The following ATP8A1 variants were observed in gnomAD, a reference collection of about 807,000 sequenced individuals.
ATP8A1 encodes the protein ATPase phospholipid transporting 8A1.
ATP8A1 carries 90 observed loss-of-function variants against 177.7 expected under a neutral mutation model. The ratio of observed to expected loss-of-function variants is 0.51; its 90% CI spans 0.43 to 0.60. The LOEUF (loss-of-function observed/expected upper bound fraction) is 0.60, where lower values mean the gene tolerates loss of function less well. Ranked by LOEUF, ATP8A1 falls within the 20% of genes least tolerant of loss-of-function variation. The pLI, the probability that ATP8A1 is intolerant of heterozygous loss-of-function variation, is 0.00. For missense variants in ATP8A1, 1,072 were observed against 1,392.8 expected (o/e 0.77, Z 3.67); for synonymous variants, 493 against 485.9 (o/e 1.01, Z -0.19).
intron 35 of ATP8A1, among the ~76,000 whole-genome samples, chr4:42,418,933 C>T (rs1221732558): frequency 6.6e-6 from 1 of 152,060 alleles, no homozygotes; most frequent in Non-Finnish European, 1.5e-5. Flanking sequence ...GTTTTTCTGA[C>T]ATTTGCATTT....
intron 5 of ATP8A1, among the ~76,000 whole-genome samples, chr4:42,608,234 A>C (rs937747602): frequency 6.6e-5 from 10 of 151,222 alleles, no homozygotes; most frequent in African/African-American, 1.9e-4. Flanking sequence ...GCAGGTGCTG[A>C]CTTACACTCT....
At chr4:42,481,490 T>C (rs763653921) in intron 25 of ATP8A1, among the ~76,000 whole-genome samples, 1 of 152,202 alleles carries the variant, frequency 6.6e-6, no homozygotes, top group African/African-American at 2.4e-5. Context: ...GCCAAATCAG[T>C]AGAGCTAGAA....
rs548818885 is a variant in ATP8A1 at position 42,481,132 on chromosome 4, C to A, written c.2324+4364G>T. On this transcript the variant is annotated intron_variant, in intron 25 of 36. Transcript: ENST00000381668. ...AATACTTCACTGCAACATTCCCACT[C>A]TCTTCTGGAGGGAATATTAAAAGAG... Among the ~76,000 whole-genome samples the A allele has an allele frequency of 1.8e-4, 28 of 152,342 alleles. 1 individual carries two copies. In the South Asian group the frequency reaches 5.2e-3, roughly 28 times the overall value.
intron 20 of ATP8A1, among the ~76,000 whole-genome samples, chr4:42,527,617 T>C (rs1474525851): frequency 6.6e-6 from 1 of 152,174 alleles, no homozygotes; most frequent in African/African-American, 2.4e-5. Flanking sequence ...TGTTTGCTTC[T>C]AGACCTATAA....
chr4:42,631,444 A>C (rs968375231), intron 1 of ATP8A1, among the ~76,000 whole-genome samples: 4 of 152,198 alleles, frequency 2.6e-5, no homozygotes, highest in African/African-American at 9.7e-5. Context: ...GCCTGTGTAG[A>C]AGTTAAATGA....
intron 20 of ATP8A1, among the ~76,000 whole-genome samples, chr4:42,542,001 T>C (rs1728436398): frequency 6.6e-6 from 1 of 152,036 alleles, no homozygotes; most frequent in African/African-American, 2.4e-5. Context: ...ATACCAAGAG[T>C]GAACCCTCAT....
intron 24 of ATP8A1, among the ~76,000 whole-genome samples, chr4:42,487,078 T>G (rs1722270269): frequency 1.3e-5 from 2 of 152,214 alleles, no homozygotes; most frequent in African/African-American, 2.4e-5. Flanking sequence ...ATCTGTAAAC[T>G]CTTGCCTCTT....
At chr4:42,520,961 G>A (rs1726060340) in intron 22 of ATP8A1, among the ~76,000 whole-genome samples, 1 of 152,116 alleles carries the variant, frequency 6.6e-6, no homozygotes, top group Non-Finnish European at 1.5e-5. Flanking sequence ...ACCATCTGCA[G>A]CTAGAACATG....
intron 16 of ATP8A1, among the ~76,000 whole-genome samples, chr4:42,555,334 A>G (rs115147873): frequency 1.4e-3 from 219 of 152,180 alleles, no homozygotes; most frequent in African/African-American, 4.8e-3. Context: ...ACTTATTTCT[A>G]TAAGTTATTT....
intron 19 of ATP8A1, among the ~76,000 whole-genome samples, chr4:42,545,800 C>T (rs1245028989): frequency 1.3e-5 from 2 of 152,094 alleles, no homozygotes; most frequent in Admixed American, 1.3e-4. Flanking sequence ...ATGGTGAAAC[C>T]CTATCTCTAC....
chr4:42,557,799 T>C (rs1355105042), intron 15 of ATP8A1, among the ~76,000 whole-genome samples: 2 of 152,100 alleles, frequency 1.3e-5, no homozygotes, highest in Non-Finnish European at 2.9e-5. Flanking sequence ...TCCCAGCACT[T>C]TGGGAGGCTG....
At chr4:42,546,397 C>A (rs1163221381) in intron 19 of ATP8A1, among the ~76,000 whole-genome samples, 4 of 131,124 alleles carry the variant, frequency 3.1e-5, no homozygotes, top group African/African-American at 1.2e-4. Context: ...CACATGGACA[C>A]AGGAAGAGGA....
At chr4:42,539,031 T>A (rs778001011) in intron 20 of ATP8A1, among the ~76,000 whole-genome samples, 2 of 151,964 alleles carry the variant, frequency 1.3e-5, no homozygotes, top group African/African-American at 4.8e-5. Flanking sequence ...AACAAGTAGA[T>A]AAAGAAAATG....
intron 4 of ATP8A1, among the ~76,000 whole-genome samples, chr4:42,617,128 G>A (rs1277211477): frequency 6.6e-6 from 1 of 152,160 alleles, no homozygotes; most frequent in Non-Finnish European, 1.5e-5. Context: ...ATCACAGTGT[G>A]CATATGAAAA....
intron 6 of ATP8A1, among the ~76,000 whole-genome samples, chr4:42,599,392 G>A (rs1225996833): frequency 6.6e-6 from 1 of 151,886 alleles, no homozygotes; most frequent in Non-Finnish European, 1.5e-5. Flanking sequence ...TTTTTATTTT[G>A]TTCTTCTGAA....
intron 29 of ATP8A1, among the ~76,000 whole-genome samples, 189 bp downstream of exon 29, chr4:42,455,108 C>T (rs1482960083): frequency 6.6e-6 from 1 of 152,138 alleles, no homozygotes; most frequent in Non-Finnish European, 1.5e-5. Context: ...AAACCCCAAA[C>T]TCAACCAACC....
chr4:42,584,473 C>T (rs1488034836), intron 9 of ATP8A1, among the ~76,000 whole-genome samples: 4 of 152,186 alleles, frequency 2.6e-5, no homozygotes, highest in South Asian at 2.1e-4. Flanking sequence ...ACTTGCCAAA[C>T]GTAAATATGT....
chr4:42,474,088 C>T (rs948277262), intron 25 of ATP8A1, among the ~76,000 whole-genome samples: 12 of 152,080 alleles, frequency 7.9e-5, no homozygotes, highest in Admixed American at 4.6e-4. Context: ...AACAATTGGT[C>T]GCACAGACTA....
intron 8 of ATP8A1, among the ~76,000 whole-genome samples, 155 bp downstream of exon 8, chr4:42,588,105 A>T (rs1733809496): frequency 6.6e-6 from 1 of 152,240 alleles, no homozygotes; most frequent in Non-Finnish European, 1.5e-5. Context: ...CATAATACTT[A>T]ACAATACCAG....
Sources: allele counts gnomAD v4.1 joint callset (sites outside exome capture counted in the v4.1 genomes callset), GRCh38; gene constraint gnomAD v4.1.1; transcripts MANE v1.5; gene names NCBI Gene and HGNC (gene_info 2026-07-23, HGNC 2026-07-21).